BBC3: variants seen among roughly 807,000 people sequenced by gnomAD.
The protein encoded by BBC3 is bcl-2-binding component 3.
BBC3 carries 5 observed loss-of-function variants against 18.2 expected under a neutral mutation model. That is an observed-to-expected ratio of 0.27 (90% confidence interval 0.14 to 0.58). The LOEUF (loss-of-function observed/expected upper bound fraction) is 0.58. BBC3 is among the 20% of genes least tolerant of loss of function. The probability of loss-of-function intolerance (pLI) is 0.91; values close to 1 mark genes in which losing one functional copy is unlikely to be tolerated. For synonymous variants in BBC3, 119 were observed against 128.0 expected (o/e 0.93, Z 0.47); for missense variants, 224 against 268.9 (o/e 0.83, Z 1.17).
upstream of BBC3, chr19:47,231,254 C>T (rs2058911399): frequency 1.0e-6 from 1 of 952,744 alleles, no homozygotes; most frequent in South Asian, 4.7e-5. The surrounding 1 kb of genome is among the most constrained non-coding windows in gnomAD (Gnocchi z 4.0). Flanking sequence ...CCGCCCCGCC[C>T]CGCCCCCGCC....
intron 3 of BBC3, among the ~76,000 whole-genome samples, chr19:47,224,767 G>A (rs1600239104): frequency 8.7e-6 from 1 of 115,174 alleles, no homozygotes; most frequent in Non-Finnish European, 1.7e-5. Context: ...GTTTCATTCT[G>A]TCCTCCAGGC....
In BBC3 at chr19:47,228,590, C is replaced by A. The variant is rs2058869849; in HGVS notation, c.-15-144G>T. The stretch of plus-strand genomic sequence containing the variant: ...GGGGTGACGGCCCCACAGAGACACG[C>A]CCAGCCGGGGGATGACACCACCGGG... On this transcript the variant is annotated intron_variant, in intron 1 of 3. Transcript: ENST00000439096. The surrounding 1 kb of genome is among the most constrained non-coding windows in gnomAD (Gnocchi z 5.5). The A allele has an allele frequency of 1.2e-6, 1 of 857,238 alleles. No individual in the cohort carries two copies. Among genetic ancestry groups the A allele is most frequent in the Non-Finnish European group, 1.5e-6 (1 of 648,146 alleles). The allele number at this position is 857,238 out of a possible 1,614,324, so 53.1% of individuals were successfully genotyped here.
chr19:47,221,766 C>T lies in BBC3; in HGVS notation c.*36G>A. 6.2e-7 allele frequency: 1 copy of T among 1,607,060 alleles called. No individual in the cohort carries two copies. Among genetic ancestry groups the T allele is most frequent in the Non-Finnish European group, 8.5e-7 (1 of 1,178,000 alleles). Reference sequence around the variant, plus strand: ...TCAGGAGGTGGGAGGGGCCTGCCCCCCGAGTCCCTGACGTCCACCGGGCGG... The same window carrying T: ...TCAGGAGGTGGGAGGGGCCTGCCCCTCGAGTCCCTGACGTCCACCGGGCGG... On this transcript the variant is annotated 3_prime_UTR_variant, in exon 4 of 4. Coordinates refer to ENST00000439096, the MANE Select transcript of BBC3 (RefSeq NM_014417.5).
Position 47,226,709 on chromosome 19 carries a change from G to A in BBC3, c.320C>T (p.Pro107Leu). 6.9e-7 allele frequency: 1 copy of A among 1,453,198 alleles called. No homozygotes were observed. Among genetic ancestry groups the A allele is most frequent in the Non-Finnish European group, 9.0e-7 (1 of 1,106,820 alleles). 90.0% of individuals were successfully genotyped at this position (1,453,198 alleles called of 1,614,324 possible). The change falls in exon 3 of 4, where the codon CCC becomes CTC. Residue 107 changes from proline (P) to leucine (L), a missense_variant. Pro to Leu is a moderately conservative substitution (Grantham distance 98, BLOSUM62 -3). Coordinates refer to ENST00000439096, the MANE Select transcript of BBC3 (RefSeq NM_014417.5). ...CAGAGCCCCCGGGGCGCTGGGCACG[G>A]GCGACTCCAGGTGCTGCTCCGCCAG... is the stretch of plus-strand genomic sequence containing the variant. ...LSLAEQHLES[P>L]VPSAPGALAG...
At chr19:47,224,454 C>A (rs376665065) in intron 3 of BBC3, among the ~76,000 whole-genome samples, 3 of 151,826 alleles carry the variant, frequency 2.0e-5, no homozygotes, top group Non-Finnish European at 4.4e-5. Flanking sequence ...AAGACCTGAT[C>A]TCTACAAAAA....
chr19:47,228,278 TG>T lies in BBC3; in HGVS notation c.153del (p.Thr52ProfsTer163), dbSNP rs1196315828. The T allele has an allele frequency of 7.5e-6, 1 of 133,168 alleles. No individual in the cohort carries two copies. The highest frequency in any genetic ancestry group is 9.3e-6 in the Non-Finnish European group (1 of 107,754). The allele number at this position is 133,168 out of a possible 1,614,324, so 8.2% of individuals were successfully genotyped here. A position where few individuals can be genotyped will look rare whatever the true frequency, so the allele number is the denominator to read the frequency against. On this transcript the variant is annotated frameshift_variant, in exon 2 of 4. Coordinates refer to ENST00000439096, the MANE Select transcript of BBC3 (RefSeq NM_014417.5). LOFTEE classifies it high-confidence loss of function. The surrounding 1 kb of genome is among the most constrained non-coding windows in gnomAD (Gnocchi z 5.5). ...EPGLAAAPAA[P>X]TLLPAAYLCA... Reference sequence around the variant, plus strand: ...CAGAGGTAGGCAGCGGGCAGCAGGGTGGGGGCGGCGGGGGCGGCAGCCAGGC... The same window carrying T: ...CAGAGGTAGGCAGCGGGCAGCAGGGTGGGGCGGCGGGGGCGGCAGCCAGGC...
At chr19:47,223,964 G>A (rs892642536) in intron 3 of BBC3, among the ~76,000 whole-genome samples, 5 of 152,100 alleles carry the variant, frequency 3.3e-5, no homozygotes, top group East Asian at 1.9e-4. Context: ...ACACAAGAGC[G>A]CACCCGGAAA....
At chr19:47,226,808 G>T (rs930871496) in intron 2 of BBC3, 54 bp from the exon 3 acceptor site, 1 of 1,342,784 alleles carries the variant, frequency 7.4e-7, no homozygotes, top group Non-Finnish European at 9.6e-7. Flanking sequence ...AGGCCTCGAG[G>T]TGTCTCGGCC....
chr19:47,231,263 C>A (rs2058911533), upstream of BBC3: 1 of 923,366 alleles, frequency 1.1e-6, no homozygotes, highest in Admixed American at 6.3e-5. The surrounding 1 kb of genome is among the most constrained non-coding windows in gnomAD (Gnocchi z 4.0). Flanking sequence ...CCCGCCCCCG[C>A]CCGGCGGGTC....
rs2058897934 is a variant in BBC3 at position 47,230,492 on chromosome 19, C to T, written c.-16+437G>A. On this transcript the variant is annotated intron_variant, in intron 1 of 3. Coordinates refer to ENST00000439096, the MANE Select transcript of BBC3 (RefSeq NM_014417.5). This position sits in a 1 kb window ranked among gnomAD's most constrained non-coding sequence, Gnocchi z 6.7. ...GTTGCTGGGGCGCAGCCCCCGCCCG[C>T]AGGAGCCGCAGACTCCACGGCCCGC... Among the ~76,000 whole-genome samples, 1 of 151,028 alleles carries T rather than the reference C, an allele frequency of 6.6e-6. No individual in the cohort carries two copies. The highest frequency in any genetic ancestry group is 2.4e-5 in the African/African-American group (1 of 41,222).
intron 3 of BBC3, among the ~76,000 whole-genome samples, chr19:47,222,905 G>A (rs1333797398): frequency 1.3e-5 from 2 of 149,876 alleles, no homozygotes; most frequent in Non-Finnish European, 3.0e-5. Flanking sequence ...AGTGGAGGTT[G>A]CGGTGAGCCG....
chr19:47,231,310 C>G (rs1255496854), upstream of BBC3: 1 of 645,346 alleles, frequency 1.5e-6, no homozygotes, highest in Admixed American at 6.4e-5. The surrounding 1 kb of genome is among the most constrained non-coding windows in gnomAD (Gnocchi z 4.0). Flanking sequence ...CGGCCCCGCC[C>G]GCCCGCCGCG....
upstream of BBC3, chr19:47,231,334 T>G: frequency 2.2e-6 from 1 of 458,270 alleles, no homozygotes; most frequent in Non-Finnish European, 2.9e-6. This position sits in a 1 kb window ranked among gnomAD's most constrained non-coding sequence, Gnocchi z 4.0. Context: ...AAGTCAGGAC[T>G]TGCAGGCGCG....
At chr19:47,227,884 G>A (rs570067341) in intron 2 of BBC3, among the ~76,000 whole-genome samples, 1 of 152,310 alleles carries the variant, frequency 6.6e-6, no homozygotes, top group African/African-American at 2.4e-5. Context: ...GAGCTGGGAT[G>A]CAGCTGTTGC....
chr19:47,221,707 G>T lies in BBC3; in HGVS notation c.*95C>A. The T allele has an allele frequency of 6.3e-7, 1 of 1,584,828 alleles. No homozygotes were observed. The highest frequency in any genetic ancestry group is 8.5e-7 in the Non-Finnish European group (1 of 1,170,132). On this transcript the variant is annotated 3_prime_UTR_variant, in exon 4 of 4. Coordinates refer to ENST00000439096, the MANE Select transcript of BBC3 (RefSeq NM_014417.5). ...GGGCTGGGAGTCCAGTATGCTACAT[G>T]GTGCAGAGAAAGTCCCCCGCGCTGG... is the stretch of plus-strand genomic sequence containing the variant.
chr19:47,221,635 TG>T lies in BBC3; in HGVS notation c.*166del. 1 of 1,397,868 alleles carries T rather than the reference TG, an allele frequency of 7.2e-7. No homozygotes were observed. 86.6% of individuals were successfully genotyped at this position (1,397,868 alleles called of 1,614,324 possible). A position where few individuals can be genotyped will look rare whatever the true frequency, so the allele number is the denominator to read the frequency against. On this transcript the variant is annotated 3_prime_UTR_variant, in exon 4 of 4. Transcript: ENST00000439096. ...GCATCTCCGTCAGTGCACCCCAGGCTGGGCTGGGGCTGGAGTGGCTGCCCCG... is the reference window on the plus strand; with the variant it reads ...GCATCTCCGTCAGTGCACCCCAGGCTGGCTGGGGCTGGAGTGGCTGCCCCG...
rs942646701 is a variant in BBC3, at chr19:47,221,514, C to T, written c.*288G>A. 24 of 365,962 alleles carry T rather than the reference C, an allele frequency of 6.6e-5. No homozygotes were observed. In the East Asian group the frequency reaches 1.1e-3, roughly 17 times the overall value. 22.7% of individuals were successfully genotyped at this position (365,962 alleles called of 1,614,324 possible). On this transcript the variant is annotated 3_prime_UTR_variant, in exon 4 of 4. Coordinates refer to ENST00000439096, the MANE Select transcript of BBC3 (RefSeq NM_014417.5). ...GATGGTGGTGGGCGGCAGAGGCGGG[C>T]GGCTCAGTCCCCACCCCCTCGGTCA...
intron 3 of BBC3, chr19:47,222,341 G>A (rs555488507): frequency 6.4e-6 from 1 of 156,910 alleles, no homozygotes; most frequent in African/African-American, 2.4e-5. Flanking sequence ...GGAGAACTGG[G>A]AAGAGCCCCC....
intron 3 of BBC3, chr19:47,222,176 G>T: frequency 2.4e-6 from 1 of 422,552 alleles, no homozygotes; most frequent in Non-Finnish European, 4.2e-6. Flanking sequence ...AGCTGTGACT[G>T]CCCCGTCTCT....
Sources: gnomAD v4.1 joint callset for allele counts (sites outside exome capture counted in the v4.1 genomes callset) on GRCh38, gnomAD v4.1.1 for gene constraint, Gnocchi (gnomAD v3.1) non-coding constraint, MANE v1.5 for transcripts, NCBI Gene and HGNC (gene_info 2026-07-23, HGNC 2026-07-21) for gene names.